GRIA3: variants seen among roughly 807,000 people sequenced by gnomAD.
The protein encoded by GRIA3 is glutamate receptor 3.
Under a neutral mutation model 63.0 loss-of-function variants are expected in GRIA3, and 3 were observed. That is an observed-to-expected ratio of 0.05 (90% CI 0.02 to 0.12). The LOEUF is 0.12. Among genes scored for constraint, GRIA3 ranks in the 10% least tolerant of loss-of-function variants. GRIA3 has a pLI of 1.00. For synonymous variants in GRIA3, 274 were observed against 257.9 expected (o/e 1.06, Z -0.60); for missense variants, 347 against 700.9 (o/e 0.50, Z 5.70).
intron 2 of GRIA3, among the ~76,000 whole-genome samples, chrX:123,228,544 AG>A (rs2044259994): frequency 9.0e-6 from 1 of 111,427 alleles, no homozygotes; most frequent in South Asian, 3.8e-4. Context: ...AGCACTTAGC[AG>A]GTGAGCCAAA....
At chrX:123,432,080 T>C (rs746813349) in intron 12 of GRIA3, among the ~76,000 whole-genome samples, 1 of 112,179 alleles carries the variant, frequency 8.9e-6, no homozygotes, top group Admixed American at 9.4e-5. Flanking sequence ...TTATTTTCCA[T>C]TGATGTAATA....
At chrX:123,368,577 C>G (rs2045228127) in intron 5 of GRIA3, among the ~76,000 whole-genome samples, 1 of 110,940 alleles carries the variant, frequency 9.0e-6, no homozygotes, top group South Asian at 3.8e-4. Context: ...AACCAGGAGG[C>G]AATACACACC....
At chrX:123,226,492 G>C (rs2044247794) in intron 2 of GRIA3, among the ~76,000 whole-genome samples, 1 of 111,395 alleles carries the variant, frequency 9.0e-6, no homozygotes, top group Admixed American at 9.6e-5. Context: ...TGAGAGTACA[G>C]ATGGTATAAT....
chrX:123,370,183 C>A (rs2045238395), intron 5 of GRIA3, among the ~76,000 whole-genome samples: 1 of 111,857 alleles, frequency 8.9e-6, no homozygotes, highest in African/African-American at 3.2e-5. Context: ...GGATTAGGAG[C>A]CAGCAAACTG....
At chrX:123,420,833 G>A (rs2045560803) in intron 11 of GRIA3, among the ~76,000 whole-genome samples, 1 of 111,207 alleles carries the variant, frequency 9.0e-6, no homozygotes. Context: ...CTTTGGCACT[G>A]AGATATATCA....
chrX:123,331,649 A>G (rs887208309), intron 4 of GRIA3, among the ~76,000 whole-genome samples: 29 of 111,893 alleles, frequency 2.6e-4, no homozygotes, highest in African/African-American at 9.1e-4. Flanking sequence ...TCAATGTTCC[A>G]TGTAGAACAT....
intron 2 of GRIA3, among the ~76,000 whole-genome samples, chrX:123,206,983 A>G (rs1041583002): frequency 2.7e-5 from 3 of 111,318 alleles, no homozygotes; most frequent in Non-Finnish European, 3.8e-5. Context: ...TTCACTTTCT[A>G]TGTACTCAGC....
At chrX:123,333,731 A>G (rs886194543) in intron 4 of GRIA3, among the ~76,000 whole-genome samples, 3 of 111,171 alleles carry the variant, frequency 2.7e-5, no homozygotes, top group Non-Finnish European at 5.7e-5. Context: ...ATTAAGTACT[A>G]TATGTAAAAG....
Position 123,404,880 on chromosome X carries a change from T to C in GRIA3, c.1466T>C (p.Ile489Thr). The change falls in exon 10 of 16, where the codon ATA (isoleucine) becomes ACA (threonine). Residue 489 changes from isoleucine (I) to threonine (T), a missense_variant. Coordinates refer to ENST00000620443, the MANE Select transcript of GRIA3 (RefSeq NM_007325.5). ...GGTGCAAGGGATCCAGAGACTAAAATATGGAACGGCATGGTTGGGGAACTT... is the reference window on the plus strand; with the variant it reads ...GGTGCAAGGGATCCAGAGACTAAAACATGGAACGGCATGGTTGGGGAACTT... ...KYGARDPETK[I>T]WNGMVGELVY... 8.3e-7 allele frequency: 1 copy of C among 1,207,885 alleles called. No homozygotes were observed. Among genetic ancestry groups the C allele is most frequent in the Non-Finnish European group, 1.1e-6 (1 of 891,877 alleles).
chrX:123,251,561 G>T (rs1225389150), intron 2 of GRIA3, among the ~76,000 whole-genome samples: 1 of 110,756 alleles, frequency 9.0e-6, no homozygotes, highest in African/African-American at 3.3e-5. Context: ...TCAGCCTCCC[G>T]AGTAGCTGTG....
At chrX:123,359,530 T>A (rs1032918090) in intron 5 of GRIA3, among the ~76,000 whole-genome samples, 2 of 111,314 alleles carry the variant, frequency 1.8e-5, no homozygotes, top group Non-Finnish European at 3.8e-5. Context: ...TATAAAGTTA[T>A]AAGGCAGACT....
chrX:123,206,038 A>G (rs1385685485), intron 2 of GRIA3, among the ~76,000 whole-genome samples: 37 of 111,422 alleles, frequency 3.3e-4, no homozygotes, highest in Non-Finnish European at 5.6e-5. Context: ...GATATCCACT[A>G]TCTCAAATGG....
intron 2 of GRIA3, among the ~76,000 whole-genome samples, chrX:123,239,481 G>C (rs2044318754): frequency 9.4e-6 from 1 of 106,511 alleles, no homozygotes; most frequent in African/African-American, 3.3e-5. Context: ...GTAGTCAATG[G>C]AGAAGAGAAA....
intron 5 of GRIA3, among the ~76,000 whole-genome samples, chrX:123,385,907 T>C (rs2045351829): frequency 1.8e-5 from 2 of 112,315 alleles, no homozygotes; most frequent in African/African-American, 6.5e-5. Context: ...AGTGCAGGTA[T>C]TCCTTAGATA....
intron 7 of GRIA3, among the ~76,000 whole-genome samples, chrX:123,399,753 C>T (rs1197159000): frequency 1.8e-5 from 2 of 112,021 alleles, no homozygotes; most frequent in Middle Eastern, 4.6e-3. Context: ...GAACTTGTAA[C>T]GGCCTCATAA....
At chrX:123,293,706 A>G (rs1411417867) in intron 3 of GRIA3, among the ~76,000 whole-genome samples, 1 of 110,562 alleles carries the variant, frequency 9.0e-6, no homozygotes, top group Non-Finnish European at 1.9e-5. Context: ...GCGAAAATAC[A>G]GGAAGAAGAC....
At chrX:123,292,499 AC>A (rs1488064150) in intron 3 of GRIA3, among the ~76,000 whole-genome samples, 1 of 109,315 alleles carries the variant, frequency 9.1e-6, no homozygotes, top group Non-Finnish European at 1.9e-5. Flanking sequence ...ACCTCCCCCC[AC>A]CCCACACCCC....
chrX:123,315,461 T>A (rs1365217877), intron 3 of GRIA3, among the ~76,000 whole-genome samples: 1 of 112,145 alleles, frequency 8.9e-6, no homozygotes, highest in Non-Finnish European at 1.9e-5. Flanking sequence ...TTAAATCAAG[T>A]TAAAACAAAA....
intron 1 of GRIA3, 131 bp from the exon 2 acceptor site, chrX:123,185,701 G>A: frequency 1.8e-6 from 1 of 558,654 alleles, no homozygotes; most frequent in South Asian, 2.5e-5. Flanking sequence ...AGACACACAG[G>A]TTGAATATCA....
Sources: allele counts gnomAD v4.1 joint callset (sites outside exome capture counted in the v4.1 genomes callset), GRCh38; gene constraint gnomAD v4.1.1; transcripts MANE v1.5; gene names NCBI Gene and HGNC (gene_info 2026-07-23, HGNC 2026-07-21).